Variants in TMEM266 observed in about 807,000 individuals in gnomAD.
TMEM266 encodes the protein Hv1 related protein 1.
Under a neutral mutation model 50.5 loss-of-function variants are expected in TMEM266, and 33 were observed. That is an observed-to-expected ratio of 0.65 (90% CI 0.50 to 0.87). The LOEUF (loss-of-function observed/expected upper bound fraction) is 0.87, where lower values mean the gene tolerates loss of function less well. Among genes scored for constraint, TMEM266 ranks in the 40% least tolerant of loss-of-function variants. TMEM266 has a pLI of 0.00. For synonymous variants in TMEM266, 310 were observed against 292.3 expected (o/e 1.06, Z -0.62); for missense variants, 655 against 695.1 (o/e 0.94, Z 0.65).
At position 76,120,758 on chromosome 15, in the gene TMEM266, C is replaced by CAAA. The variant is rs60694791; in HGVS notation, c.-96-13389_-96-13387dup. 5.5e-3 allele frequency among the ~76,000 whole-genome samples: 318 copies of CAAA among 57,878 alleles called. 3 individuals carry two copies. Among genetic ancestry groups the CAAA allele is most frequent in the African/African-American group, 0.02 (285 of 14,498 alleles). 38.0% of individuals were successfully genotyped at this position (57,878 alleles called of 152,430 possible). ...CCTGGGTTACAGAGCAAGACTGTCTCAAAAAAAAAAAAAAAAAAAAAAAGA... is the reference window on the plus strand; with the variant it reads ...CCTGGGTTACAGAGCAAGACTGTCTCAAAAAAAAAAAAAAAAAAAAAAAAAAGA... On this transcript the variant is annotated intron_variant, in intron 1 of 10. Transcript: ENST00000388942.
intron 1 of TMEM266, among the ~76,000 whole-genome samples, chr15:76,065,715 C>T (rs1429591923): frequency 6.6e-6 from 1 of 151,668 alleles, no homozygotes; most frequent in African/African-American, 2.4e-5. Flanking sequence ...AAGCACCCAA[C>T]AAATGCTATT....
chr15:76,197,080 G>T (rs1395320837), intron 9 of TMEM266, among the ~76,000 whole-genome samples: 1 of 152,218 alleles, frequency 6.6e-6, no homozygotes, highest in Non-Finnish European at 1.5e-5. Flanking sequence ...GGTGCATGCG[G>T]CCAGCCTGCT....
chr15:76,170,090 G>A (rs904604982), intron 6 of TMEM266, among the ~76,000 whole-genome samples: 6 of 152,184 alleles, frequency 3.9e-5, no homozygotes, highest in African/African-American at 4.8e-5. Context: ...ATGTTAAAAG[G>A]AATGCAGAAC....
rs2038261063 is a variant in TMEM266, at chr15:76,175,550, G to C, written c.653-9G>C. On this transcript the variant is annotated splice_polypyrimidine_tract_variant and intron_variant, in intron 7 of 10. Transcript: ENST00000388942. ...CTGAATTCTTTACAGGGCTGTCTCT[G>C]TCTTCCAGCCTACGTCCTGCCAGTG... The C allele has an allele frequency of 6.2e-7, 1 of 1,609,462 alleles. No individual in the cohort carries two copies. Among genetic ancestry groups the C allele is most frequent in the Non-Finnish European group, 8.5e-7 (1 of 1,176,154 alleles).
chr15:76,201,733 C>G (rs8039363), intron 9 of TMEM266, among the ~76,000 whole-genome samples: 1 of 152,112 alleles, frequency 6.6e-6, no homozygotes, highest in African/African-American at 2.4e-5. Context: ...ACAGGTGGAT[C>G]GAGCCACGGG....
rs1254370442 is a variant in TMEM266 at position 76,139,339 on chromosome 15, G to A, written c.227+1444G>A. Among the ~76,000 whole-genome samples, 8 of 152,292 alleles carry A rather than the reference G, an allele frequency of 5.3e-5. No homozygotes were observed. In the East Asian group the frequency reaches 5.8e-4, roughly 11 times the overall value. ...CAAGTATTATGCATATTGTCATCAG[G>A]ACACTGGACAAAAAAGGATAGGCAA... is the stretch of plus-strand genomic sequence containing the variant. On this transcript the variant is annotated intron_variant, in intron 3 of 10. Coordinates refer to ENST00000388942, the MANE Select transcript of TMEM266 (RefSeq NM_152335.3). The surrounding 1 kb of genome is among the most constrained non-coding windows in gnomAD (Gnocchi z 4.1).
intron 7 of TMEM266, 48 bp from the exon 8 acceptor site, chr15:76,175,511 A>G: frequency 1.3e-6 from 2 of 1,497,598 alleles, no homozygotes; most frequent in South Asian, 2.3e-5. Flanking sequence ...TCCCTAGTCC[A>G]AGCCCTGCCA....
intron 1 of TMEM266, among the ~76,000 whole-genome samples, chr15:76,079,352 CAA>C (rs59189205): frequency 2.8e-5 from 4 of 141,952 alleles, no homozygotes; most frequent in East Asian, 2.1e-4. Context: ...GACACCATCT[CAA>C]AAAAAAAAAC....
At chr15:76,166,024 C>T (rs765607827) in intron 5 of TMEM266, among the ~76,000 whole-genome samples, 2 of 152,182 alleles carry the variant, frequency 1.3e-5, no homozygotes, top group South Asian at 2.1e-4. Context: ...CAGGAATCTG[C>T]GTTTCACGTA....
At chr15:76,098,238 T>A (rs2036950617) in intron 1 of TMEM266, among the ~76,000 whole-genome samples, 1 of 152,116 alleles carries the variant, frequency 6.6e-6, no homozygotes, top group African/African-American at 2.4e-5. Context: ...CTTTGTGGAT[T>A]TATCTACCTT....
chr15:76,189,731 G>T (rs759463105), intron 8 of TMEM266, among the ~76,000 whole-genome samples: 1 of 152,206 alleles, frequency 6.6e-6, no homozygotes, highest in Non-Finnish European at 1.5e-5. Context: ...AGAGTCAAGG[G>T]GTTTGTCCTT....
chr15:76,137,696 C>T lies in TMEM266; in HGVS notation c.39-11C>T, dbSNP rs750138418. The T allele has an allele frequency of 2.5e-6, 4 of 1,613,554 alleles. No homozygotes were observed. The East Asian group carries it at 8.9e-5, about 36-fold the overall frequency. ...ATAACTCTTTCCCATTGTTCCTCCT[C>T]TCCAACCCAGGCCTGCCATAGAAGG... On this transcript the variant is annotated splice_polypyrimidine_tract_variant and intron_variant, in intron 2 of 10. Coordinates refer to ENST00000388942, the MANE Select transcript of TMEM266 (RefSeq NM_152335.3).
rs917875636 is a variant in TMEM266, at chr15:76,112,533, C to T, written c.-96-21635C>T. 7 of 152,206 alleles carry T rather than the reference C, an allele frequency of 4.6e-5. 1 individual carries two copies. Among genetic ancestry groups the T allele is most frequent in the South Asian group, 2.1e-4 (1 of 4,828 alleles). 9.4% of individuals were successfully genotyped at this position (152,206 alleles called of 1,614,324 possible). On this transcript the variant is annotated intron_variant, in intron 1 of 10. Coordinates refer to ENST00000388942, the MANE Select transcript of TMEM266 (RefSeq NM_152335.3). Reference sequence around the variant, plus strand: ...CAGTTGCTGGACGATTGCTCAGCCACGTTTCTCCTTAGGCACAAAGATGAC... The same window carrying T: ...CAGTTGCTGGACGATTGCTCAGCCATGTTTCTCCTTAGGCACAAAGATGAC...
At chr15:76,202,937 C>T in intron 10 of TMEM266, among the ~76,000 whole-genome samples, 1 of 151,970 alleles carries the variant, frequency 6.6e-6, no homozygotes, top group East Asian at 1.9e-4. Flanking sequence ...CTCCCTAAGG[C>T]CTCATCCCTC....
chr15:76,192,197 CG>C, intron 9 of TMEM266, 40 bp downstream of exon 9: 1 of 1,386,960 alleles, frequency 7.2e-7, no homozygotes. Flanking sequence ...GTGTCACGGC[CG>C]GGGATCCCCC....
intron 1 of TMEM266, among the ~76,000 whole-genome samples, chr15:76,104,729 C>A (rs569522453): frequency 6.6e-5 from 10 of 152,090 alleles, no homozygotes; most frequent in African/African-American, 2.4e-4. Context: ...TGAACAGAGG[C>A]GTTGGATGTG....
chr15:76,076,954 T>TTTGTTG (rs778630527), intron 1 of TMEM266, among the ~76,000 whole-genome samples: 1 of 151,724 alleles, frequency 6.6e-6, no homozygotes. Flanking sequence ...TTTTTGTTTG[T>TTTGTTG]TTGTTGTTGT....
chr15:76,202,236 C>T lies in TMEM266; in HGVS notation c.993C>T (p.Ile331=). 1 of 1,613,940 alleles carries T rather than the reference C, an allele frequency of 6.2e-7. No individual in the cohort carries two copies. The highest frequency in any genetic ancestry group is 8.5e-7 in the Non-Finnish European group (1 of 1,179,878). The change falls in exon 10 of 11, where the codon ATC becomes ATT. Residue 331 remains isoleucine, a synonymous_variant. Transcript: ENST00000388942. ...TGAAGGACGACATGAACAGCTACAT[C>T]AGTCAGTATTACAATGGGCCCAGCA... is the stretch of plus-strand genomic sequence containing the variant.
rs115326239 is a variant in TMEM266, at chr15:76,078,939, C to T, written c.-97+18923C>T. Reference sequence around the variant, plus strand: ...CCAACAAAGCCAAATTCCTTGGCTGCGGCAGCATAAATCCAATCTCTGTCT... The same window carrying T: ...CCAACAAAGCCAAATTCCTTGGCTGTGGCAGCATAAATCCAATCTCTGTCT... On this transcript the variant is annotated intron_variant, in intron 1 of 10. Transcript: ENST00000388942. Among the ~76,000 whole-genome samples the T allele has an allele frequency of 1.7e-3, 253 of 152,348 alleles. 1 individual carries two copies. Among genetic ancestry groups the T allele is most frequent in the African/African-American group, 5.4e-3 (225 of 41,590 alleles).
Sources: gnomAD v4.1 joint callset for allele counts (sites outside exome capture counted in the v4.1 genomes callset) on GRCh38, gnomAD v4.1.1 for gene constraint, Gnocchi (gnomAD v3.1) non-coding constraint, MANE v1.5 for transcripts, NCBI Gene and HGNC (gene_info 2026-07-23, HGNC 2026-07-21) for gene names.